The following HTR2C variants were observed in gnomAD, a reference collection of about 807,000 sequenced individuals.
HTR2C encodes the protein 5-hydroxytryptamine (serotonin) receptor 2C, G protein-coupled.
A neutral mutation model predicts 21.0 loss-of-function variants in HTR2C; 5 were observed. The ratio of observed to expected loss-of-function variants is 0.24; its 90% CI spans 0.12 to 0.50. The LOEUF is 0.50. HTR2C is among the 20% of genes least tolerant of loss of function. HTR2C has a pLI of 0.98. For missense variants in HTR2C, 271 were observed against 371.2 expected (o/e 0.73, Z 2.22); for synonymous variants, 150 against 145.3 (o/e 1.03, Z -0.23).
intron 2 of HTR2C, among the ~76,000 whole-genome samples, chrX:114,653,954 AG>A (rs1306361154): frequency 1.8e-5 from 2 of 110,563 alleles, no homozygotes; most frequent in East Asian, 5.7e-4. Context: ...ACTACGCTGC[AG>A]AACCTTGTCT....
intron 2 of HTR2C, among the ~76,000 whole-genome samples, chrX:114,669,242 A>G (rs1357320318): frequency 8.9e-6 from 1 of 111,738 alleles, no homozygotes; most frequent in Non-Finnish European, 1.9e-5. Flanking sequence ...TTATCTTACC[A>G]ATTAATCTAA....
chrX:114,870,751 C>T (rs1183990231), intron 5 of HTR2C, among the ~76,000 whole-genome samples: 6 of 111,555 alleles, frequency 5.4e-5, no homozygotes, highest in Admixed American at 9.5e-5. Context: ...TGAAATGCTG[C>T]ATTATCAGTT....
At chrX:114,709,287 G>A (rs782799528) in intron 2 of HTR2C, among the ~76,000 whole-genome samples, 19 of 111,450 alleles carry the variant, frequency 1.7e-4, no homozygotes, top group Non-Finnish European at 3.4e-4. Flanking sequence ...AACCTCCCTA[G>A]TCGATTATTA....
At chrX:114,750,365 G>T (rs1243282285) in intron 4 of HTR2C, among the ~76,000 whole-genome samples, 1 of 111,594 alleles carries the variant, frequency 9.0e-6, no homozygotes, top group East Asian at 2.8e-4. Context: ...AATCTGTTCT[G>T]TCTTCTATTA....
chrX:114,659,904 T>C (rs899726050), intron 2 of HTR2C, among the ~76,000 whole-genome samples: 4 of 111,136 alleles, frequency 3.6e-5, no homozygotes, highest in African/African-American at 1.3e-4. Flanking sequence ...TCTCCACCAT[T>C]TTTACAATTT....
At chrX:114,774,667 T>TCAAGTA (rs2147393541) in intron 4 of HTR2C, among the ~76,000 whole-genome samples, 1 of 112,221 alleles carries the variant, frequency 8.9e-6, no homozygotes, top group East Asian at 2.8e-4. Context: ...GCAATGTTAT[T>TCAAGTA]TCCCTCCCCT....
chrX:114,644,653 C>T (rs1930295030), intron 2 of HTR2C, among the ~76,000 whole-genome samples: 1 of 107,359 alleles, frequency 9.3e-6, no homozygotes, highest in Non-Finnish European at 1.9e-5. Flanking sequence ...GGGATCTGAA[C>T]GTTTTGGTGC....
intron 5 of HTR2C, among the ~76,000 whole-genome samples, chrX:114,893,062 G>A (rs201820994): frequency 1.7e-4 from 18 of 108,240 alleles, no homozygotes; most frequent in South Asian, 4.0e-4. Context: ...ACAGGCGCCC[G>A]CCACCACACC....
At chrX:114,681,249 T>A (rs1198760528) in intron 2 of HTR2C, among the ~76,000 whole-genome samples, 1 of 111,600 alleles carries the variant, frequency 9.0e-6, no homozygotes, top group Non-Finnish European at 1.9e-5. Context: ...GGACAGTTGG[T>A]CATTTTATTC....
intron 4 of HTR2C, among the ~76,000 whole-genome samples, chrX:114,821,566 A>G (rs1456556418): frequency 8.9e-6 from 1 of 111,741 alleles, no homozygotes; most frequent in East Asian, 2.8e-4. Flanking sequence ...AGTCACAGCG[A>G]AAGTTAGAAA....
chrX:114,810,960 C>T (rs1556452587), intron 4 of HTR2C, among the ~76,000 whole-genome samples: 1 of 111,104 alleles, frequency 9.0e-6, no homozygotes, highest in African/African-American at 3.3e-5. Context: ...ATTTTTAAAA[C>T]CAGTTTATAT....
chrX:114,830,774 C>T (rs1455106838), intron 4 of HTR2C, among the ~76,000 whole-genome samples: 1 of 99,810 alleles, frequency 1.0e-5, no homozygotes, highest in Non-Finnish European at 2.0e-5. Context: ...TATACATGTG[C>T]CATGCTGGTG....
In HTR2C at chrX:114,836,444, A is replaced by T. The variant is rs188050809; in HGVS notation, c.350-11559A>T. Among the ~76,000 whole-genome samples, 181 of 112,608 alleles carry T rather than the reference A, an allele frequency of 1.6e-3. 2 individuals carry two copies. The highest frequency in any genetic ancestry group is 1.5e-3 in the South Asian group (4 of 2,736). ...TTTAAGCCGGTCGGAAAAGCGCAGT[A>T]TTCGGGTGAGAGTGACCCGATTTTC... On this transcript the variant is annotated intron_variant, in intron 4 of 5. Coordinates refer to ENST00000276198, the MANE Select transcript of HTR2C (RefSeq NM_000868.4).
intron 2 of HTR2C, among the ~76,000 whole-genome samples, chrX:114,695,380 G>C (rs2147863432): frequency 9.0e-6 from 1 of 111,649 alleles, no homozygotes; most frequent in East Asian, 2.8e-4. Flanking sequence ...TGCATGAGTA[G>C]AGACAAGAAA....
chrX:114,799,124 G>A (rs1441418414), intron 4 of HTR2C, among the ~76,000 whole-genome samples: 1 of 110,494 alleles, frequency 9.1e-6, no homozygotes, highest in Admixed American at 9.8e-5. Flanking sequence ...TAAGAGAAGG[G>A]AGAGATGACT....
intron 5 of HTR2C, among the ~76,000 whole-genome samples, chrX:114,904,836 T>A (rs895705236): frequency 2.7e-5 from 3 of 111,029 alleles, no homozygotes; most frequent in African/African-American, 9.8e-5. Context: ...ACCTTACGTT[T>A]ATGATTTTTC....
intron 4 of HTR2C, among the ~76,000 whole-genome samples, chrX:114,756,237 C>T (rs1174254879): frequency 8.9e-6 from 1 of 112,055 alleles, no homozygotes; most frequent in African/African-American, 3.2e-5. Context: ...ATCACTCATA[C>T]ATTGCTGGTG....
At chrX:114,613,112 A>G (rs1374219902) in intron 1 of HTR2C, among the ~76,000 whole-genome samples, 4 of 108,767 alleles carry the variant, frequency 3.7e-5, no homozygotes, top group Non-Finnish European at 7.6e-5. Context: ...TAATTTTTGT[A>G]TTTTTTAGTA....
In HTR2C at chrX:114,625,380, G is replaced by A. The variant is rs1398911514; in HGVS notation, c.-80+11499G>A. On this transcript the variant is annotated intron_variant, in intron 2 of 5. Transcript: ENST00000276198. ...TCATGAGGTAAAATCCCTCATGAAT[G>A]GCTTGGTGCTGTCTTCATGGTAATG... Among the ~76,000 whole-genome samples, 3 of 111,843 alleles carry A rather than the reference G, an allele frequency of 2.7e-5. No individual in the cohort carries two copies. In the Admixed American group the frequency reaches 2.8e-4, roughly 11 times the overall value.
Sources: gnomAD v4.1 joint callset for allele counts (sites outside exome capture counted in the v4.1 genomes callset) on GRCh38, gnomAD v4.1.1 for gene constraint, MANE v1.5 for transcripts, NCBI Gene and HGNC (gene_info 2026-07-23, HGNC 2026-07-21) for gene names.